The following SCN3A variants were observed in gnomAD, a reference collection of about 807,000 sequenced individuals.
SCN3A encodes the protein sodium channel protein type 3 subunit alpha.
In SCN3A, 60 loss-of-function variants were observed where a neutral mutation model predicts 187.6. The observed-to-expected ratio is 0.32, with a 90% confidence interval of 0.26 to 0.40. SCN3A has a LOEUF of 0.40. Among genes scored for constraint, SCN3A ranks in the 10% least tolerant of loss-of-function variants. The probability of loss-of-function intolerance (pLI) is 1.00; values close to 1 mark genes in which losing one functional copy is unlikely to be tolerated. For missense variants in SCN3A, 1,601 were observed against 2,428.2 expected (o/e 0.66, Z 7.16); for synonymous variants, 788 against 829.2 (o/e 0.95, Z 0.85).
intron 3 of SCN3A, among the ~76,000 whole-genome samples, chr2:165,173,778 T>G (rs748412395): frequency 5.3e-5 from 8 of 152,182 alleles, no homozygotes; most frequent in Non-Finnish European, 1.2e-4. Flanking sequence ...ATGCTAAGAA[T>G]GACAAATTAC....
intron 18 of SCN3A, among the ~76,000 whole-genome samples, chr2:165,122,369 C>T (rs1257335876): frequency 6.6e-6 from 1 of 150,708 alleles, no homozygotes; most frequent in Non-Finnish European, 1.5e-5. Context: ...AGTGGCAGTA[C>T]TATCAGAAAA....
chr2:165,200,510 G>A (rs550127782), intron 1 of SCN3A, among the ~76,000 whole-genome samples: 14 of 152,108 alleles, frequency 9.2e-5, no homozygotes, highest in East Asian at 5.8e-4. Flanking sequence ...ATAAGAACTC[G>A]TAAGAGCTGG....
At chr2:165,111,062 C>T (rs982123830) in intron 21 of SCN3A, among the ~76,000 whole-genome samples, 44 of 152,286 alleles carry the variant, frequency 2.9e-4, no homozygotes, top group African/African-American at 1.0e-3. Flanking sequence ...TTGCTGGGCA[C>T]GGTGGCTCAT....
chr2:165,119,743 AACTT>A (rs1472883471), intron 18 of SCN3A: 2 of 152,198 alleles, frequency 1.3e-5, no homozygotes, highest in South Asian at 2.1e-4. Context: ...TATAAAGAAT[AACTT>A]ACTTTCTTTA....
chr2:165,179,962 T>A (rs1690733704), intron 2 of SCN3A, among the ~76,000 whole-genome samples: 1 of 152,076 alleles, frequency 6.6e-6, no homozygotes. Flanking sequence ...ATATTATTAA[T>A]GATTATATGC....
At position 165,089,966 on chromosome 2, in the gene SCN3A, T is replaced by C. The variant is rs573279880; in HGVS notation, c.*184A>G. The C allele has an allele frequency of 1.1e-4, 86 of 768,280 alleles. No homozygotes were observed. Among genetic ancestry groups the C allele is most frequent in the Admixed American group, 8.3e-4 (28 of 33,924 alleles). The allele number at this position is 768,280 out of a possible 1,614,324, so 47.6% of individuals were successfully genotyped here. A position where few individuals can be genotyped will look rare whatever the true frequency, so the allele number is the denominator to read the frequency against. On this transcript the variant is annotated 3_prime_UTR_variant, in exon 28 of 28. Transcript: ENST00000283254. Reference sequence around the variant, plus strand: ...AACAGCAACCTCTTGTCAATGTTGATACCCTGCTTCACAGAGTTGCAGTGA... The same window carrying C: ...AACAGCAACCTCTTGTCAATGTTGACACCCTGCTTCACAGAGTTGCAGTGA...
chr2:165,165,718 C>T (rs1041726008), intron 5 of SCN3A, among the ~76,000 whole-genome samples: 2 of 152,084 alleles, frequency 1.3e-5, no homozygotes, highest in African/African-American at 2.4e-5. Flanking sequence ...TTCAGCCTAC[C>T]AGTATTTATA....
In SCN3A at chr2:165,160,022, G is replaced by A. The variant is rs1246198693; in HGVS notation, c.1031+2286C>T. ...CGGGCGCCTGTGGTCCCAGCTACTC[G>A]GGAGGCTGAGGCAGGAGAATAGCTT... is the stretch of plus-strand genomic sequence containing the variant. On this transcript the variant is annotated intron_variant, in intron 9 of 27. Coordinates refer to ENST00000283254, the MANE Select transcript of SCN3A (RefSeq NM_006922.4). 4.4e-5 allele frequency among the ~76,000 whole-genome samples: 6 copies of A among 135,122 alleles called. 1 individual carries two copies. Among genetic ancestry groups the A allele is most frequent in the Non-Finnish European group, 9.1e-5 (6 of 66,148 alleles). 88.6% of individuals were successfully genotyped at this position (135,122 alleles called of 152,430 possible). A position where few individuals can be genotyped will look rare whatever the true frequency, so the allele number is the denominator to read the frequency against.
rs1690037146 is a variant in SCN3A at position 165,170,536 on chromosome 2, T to C, written c.277A>G (p.Met93Val). The change falls in exon 4 of 28, where the codon ATG becomes GTG. Residue 93 changes from methionine to valine, a missense_variant. By Grantham distance (21) the Met-to-Val change is conservative. Transcript: ENST00000283254. The part of the protein sequence containing the change: ...YYINKKTFIV[M>V]NKGKAIFRFS... ...CGGAAAATTGCCTTTCCTTTATTCATTACTATAAAAGTCTGAAAAAGAAAA... is the reference window on the plus strand; with the variant it reads ...CGGAAAATTGCCTTTCCTTTATTCACTACTATAAAAGTCTGAAAAAGAAAA... 2 of 1,599,868 alleles carry C rather than the reference T, an allele frequency of 1.3e-6. No individual in the cohort carries two copies. Among genetic ancestry groups the C allele is most frequent in the African/African-American group, 1.3e-5 (1 of 74,670 alleles).
intron 1 of SCN3A, among the ~76,000 whole-genome samples, chr2:165,189,305 C>G (rs952257538): frequency 6.6e-6 from 1 of 152,130 alleles, no homozygotes; most frequent in Non-Finnish European, 1.5e-5. Flanking sequence ...AAGTCTTTCT[C>G]TGATGGTTGC....
At chr2:165,111,410 T>C (rs573860406) in intron 21 of SCN3A, among the ~76,000 whole-genome samples, 14 of 152,226 alleles carry the variant, frequency 9.2e-5, no homozygotes, top group African/African-American at 3.1e-4. Flanking sequence ...TGAATGTATT[T>C]AGTGTTCCAT....
intron 2 of SCN3A, among the ~76,000 whole-genome samples, chr2:165,181,349 T>A (rs1690859275): frequency 6.6e-6 from 1 of 152,248 alleles, no homozygotes; most frequent in Admixed American, 6.5e-5. Flanking sequence ...GCCATATCAA[T>A]GAACTTTTGA....
intron 21 of SCN3A, among the ~76,000 whole-genome samples, chr2:165,105,939 G>GCTT (rs1196246547): frequency 2.6e-5 from 4 of 152,078 alleles, no homozygotes; most frequent in African/African-American, 9.7e-5. Flanking sequence ...CCGCCTCTTT[G>GCTT]CTTTCTCTTC....
At chr2:165,191,643 A>T (rs989541265) in intron 1 of SCN3A, among the ~76,000 whole-genome samples, 1 of 152,102 alleles carries the variant, frequency 6.6e-6, no homozygotes, top group Non-Finnish European at 1.5e-5. Context: ...TCTTAAAGAG[A>T]CCTGCTCACA....
At chr2:165,152,157 C>T (rs973025981) in intron 11 of SCN3A, among the ~76,000 whole-genome samples, 1 of 152,062 alleles carries the variant, frequency 6.6e-6, no homozygotes, top group African/African-American at 2.4e-5. Flanking sequence ...TGAAGATTGT[C>T]AGGAACATAA....
chr2:165,149,471 G>A lies in SCN3A; in HGVS notation c.1381-2442C>T, dbSNP rs565965743. On this transcript the variant is annotated intron_variant, in intron 11 of 27. Transcript: ENST00000283254. ...ATTACAGGCGCGAGCCACCGCACCC[G>A]GCCACAAACTTTGTTTTGCATAAGA... Among the ~76,000 whole-genome samples the A allele has an allele frequency of 5.9e-5, 9 of 152,188 alleles. No individual in the cohort carries two copies. In the South Asian group the frequency reaches 6.2e-4, roughly 11 times the overall value.
intron 18 of SCN3A, among the ~76,000 whole-genome samples, chr2:165,118,203 T>C (rs534395872): frequency 6.6e-6 from 1 of 151,882 alleles, no homozygotes; most frequent in Non-Finnish European, 1.5e-5. Flanking sequence ...AGAGGGACAG[T>C]GATCACAGTT....
chr2:165,190,310 C>G (rs1574338857), intron 1 of SCN3A, among the ~76,000 whole-genome samples: 1 of 152,178 alleles, frequency 6.6e-6, no homozygotes, highest in South Asian at 2.1e-4. Flanking sequence ...AACTTAAAGT[C>G]TGAGACTTCT....
In SCN3A at chr2:165,130,296, G is replaced by A; in HGVS notation, c.2566C>T (p.Leu856Phe). Residue 856 changes from leucine (L) to phenylalanine (F), a missense_variant and splice_region_variant, in exon 17 of 28, where the codon CTT becomes TTT. Physicochemically the swap from Leu to Phe is conservative, Grantham distance 22. Transcript: ENST00000283254. ...GLSVLRSFRL[L>F]RVFKLAKSWP... ...GATTTTGCCAACTTGAAAACTCTAA[G>A]CTGTAATCAAGTGAAAAGATGCTGT... 1 of 1,613,810 alleles carries A rather than the reference G, an allele frequency of 6.2e-7. No homozygotes were observed. The highest frequency in any genetic ancestry group is 8.5e-7 in the Non-Finnish European group (1 of 1,179,772).
Sources: allele counts gnomAD v4.1 joint callset (sites outside exome capture counted in the v4.1 genomes callset), GRCh38; gene constraint gnomAD v4.1.1; transcripts MANE v1.5; gene names NCBI Gene and HGNC (gene_info 2026-07-23, HGNC 2026-07-21).